Variants in CFAP47 observed in about 807,000 individuals in gnomAD.
CFAP47 encodes the protein cilia and flagella associated protein 47, also known as cilia- and flagella-associated protein 47.
Under a neutral mutation model 148.1 loss-of-function variants are expected in CFAP47, and 29 were observed. The ratio of observed to expected loss-of-function variants is 0.20; its 90% CI spans 0.15 to 0.27. CFAP47 has a LOEUF of 0.27. CFAP47 is among the 10% of genes least tolerant of loss of function. The pLI is 1.00. For synonymous variants in CFAP47, 664 were observed against 577.3 expected (o/e 1.15, Z -2.15); for missense variants, 1,872 against 1,697.5 (o/e 1.10, Z -1.81).
intron 57 of CFAP47, among the ~76,000 whole-genome samples, chrX:36,334,653 C>T (rs1418981626): frequency 2.7e-5 from 3 of 109,948 alleles, no homozygotes; most frequent in Non-Finnish European, 5.7e-5. Flanking sequence ...TTTCTTAACA[C>T]TGTATCAAAG....
chrX:36,023,653 G>A (rs745514009), intron 22 of CFAP47, among the ~76,000 whole-genome samples: 65 of 112,282 alleles, frequency 5.8e-4, no homozygotes, highest in Non-Finnish European at 8.1e-4. Flanking sequence ...CTGCAGCTGA[G>A]CTAGCACACA....
At chrX:36,011,105 A>G (rs777280957) in intron 21 of CFAP47, among the ~76,000 whole-genome samples, 1 of 112,076 alleles carries the variant, frequency 8.9e-6, no homozygotes, top group South Asian at 3.7e-4. Flanking sequence ...CAAAGAATAC[A>G]TTCTTTGCTA....
At chrX:36,048,093 A>G (rs1042806632) in intron 26 of CFAP47, among the ~76,000 whole-genome samples, 4 of 110,996 alleles carry the variant, frequency 3.6e-5, no homozygotes, top group Non-Finnish European at 7.6e-5. Context: ...ACTCTTCTCT[A>G]CTCTCCAATG....
chrX:36,278,419 G>C, intron 49 of CFAP47, among the ~76,000 whole-genome samples: 1 of 112,939 alleles, frequency 8.9e-6, no homozygotes, highest in Non-Finnish European at 1.9e-5. Context: ...ATAATCTCCT[G>C]GTGTGCCATT....
intron 45 of CFAP47, among the ~76,000 whole-genome samples, chrX:36,208,372 C>T (rs1476498569): frequency 9.1e-6 from 1 of 110,230 alleles, no homozygotes; most frequent in African/African-American, 3.3e-5. Context: ...CAGAACCACC[C>T]GTGTATACTC....
chrX:36,341,511 G>A (rs1344489640), intron 57 of CFAP47, among the ~76,000 whole-genome samples: 4 of 110,978 alleles, frequency 3.6e-5, no homozygotes, highest in African/African-American at 1.3e-4. Flanking sequence ...CTAAAATTAG[G>A]GTTATGTTCA....
chrX:36,319,243 T>C lies in CFAP47; in HGVS notation c.8379T>C (p.His2793=). The change falls in exon 57 of 64, where the codon CAT becomes CAC. Residue 2793 remains histidine (H), a synonymous_variant. Transcript: ENST00000378653. ...VEHPRNLVMD[H]CWDSFIYESS... is the part of the protein sequence containing the mutation. ...ATCCCAGGAATCTTGTCATGGATCA[T>C]TGCTGGGATAGCTTCATCTATGAGA... 1.8e-6 allele frequency: 2 copies of C among 1,131,205 alleles called. No homozygotes were observed. Among genetic ancestry groups the C allele is most frequent in the African/African-American group, 3.6e-5 (2 of 54,805 alleles). 93.2% of individuals were successfully genotyped at this position (1,131,205 alleles called of 1,213,427 possible). A position where few individuals can be genotyped will look rare whatever the true frequency, so the allele number is the denominator to read the frequency against.
chrX:36,056,280 G>T (rs1321666597), intron 26 of CFAP47, among the ~76,000 whole-genome samples: 2 of 112,096 alleles, frequency 1.8e-5, no homozygotes, highest in East Asian at 5.6e-4. Flanking sequence ...AGTGATATGT[G>T]ACATATACAA....
chrX:36,086,947 C>T (rs1054854365), intron 30 of CFAP47, among the ~76,000 whole-genome samples: 2 of 111,528 alleles, frequency 1.8e-5, no homozygotes, highest in African/African-American at 3.3e-5. Flanking sequence ...TGGTCCTTGA[C>T]GGGCCTAAGG....
intron 49 of CFAP47, among the ~76,000 whole-genome samples, chrX:36,266,362 G>T: frequency 9.0e-6 from 1 of 111,166 alleles, no homozygotes; most frequent in Admixed American, 9.5e-5. Flanking sequence ...GACACCAGAA[G>T]GAAGTACTTG....
chrX:36,139,921 G>A (rs902032246), intron 35 of CFAP47, among the ~76,000 whole-genome samples: 1 of 108,230 alleles, frequency 9.2e-6, no homozygotes, highest in African/African-American at 3.4e-5. Flanking sequence ...TTTTTTTTTG[G>A]TACAATTGTA....
At chrX:36,317,045 C>T (rs1449634203) in intron 56 of CFAP47, among the ~76,000 whole-genome samples, 1 of 111,923 alleles carries the variant, frequency 8.9e-6, no homozygotes, top group African/African-American at 3.3e-5. Context: ...CCTTGGCCTC[C>T]CAAATTTCTG....
Position 36,343,891 on chromosome X carries a change from C to T in CFAP47, c.8444-4238C>T, listed in dbSNP as rs190891747. On this transcript the variant is annotated intron_variant, in intron 57 of 63. Coordinates refer to ENST00000378653, the MANE Select transcript of CFAP47 (RefSeq NM_001304548.2). ...TGCAGTGTTTGGTTTTTTGTTCTTG[C>T]GATAGTTTACTGAGAATGATGATTT... 6.7e-3 allele frequency among the ~76,000 whole-genome samples: 736 copies of T among 109,521 alleles called. 5 individuals carry two copies. Among genetic ancestry groups the T allele is most frequent in the African/African-American group, 0.018 (533 of 30,013 alleles).
At chrX:36,354,635 G>A (rs1226418512) in intron 60 of CFAP47, among the ~76,000 whole-genome samples, 1 of 110,772 alleles carries the variant, frequency 9.0e-6, no homozygotes, top group Non-Finnish European at 1.9e-5. Context: ...AGAGAGTTCT[G>A]GACCCTCCAA....
intron 26 of CFAP47, among the ~76,000 whole-genome samples, chrX:36,054,540 T>G (rs1169847741): frequency 8.9e-6 from 1 of 111,870 alleles, no homozygotes; most frequent in Admixed American, 9.5e-5. Context: ...AATGGTTTTC[T>G]CTTAATGTCC....
chrX:36,072,351 C>T (rs1474627398), intron 28 of CFAP47, among the ~76,000 whole-genome samples: 2 of 111,998 alleles, frequency 1.8e-5, no homozygotes, highest in Non-Finnish European at 3.8e-5. Context: ...TGTAAATTTA[C>T]TGTGACATCC....
At chrX:36,319,694 A>G (rs186965401) in intron 57 of CFAP47, among the ~76,000 whole-genome samples, 1 of 111,543 alleles carries the variant, frequency 9.0e-6, no homozygotes, top group African/African-American at 3.2e-5. Context: ...AAAAAGTAGT[A>G]TCAGTAGTTT....
In CFAP47 at chrX:36,348,170, T is replaced by C; in HGVS notation, c.8485T>C (p.Leu2829=). 1 of 1,049,887 alleles carries C rather than the reference T, an allele frequency of 9.5e-7. No homozygotes were observed. The highest frequency in any genetic ancestry group is 1.2e-6 in the Non-Finnish European group (1 of 805,777). The allele number at this position is 1,049,887 out of a possible 1,213,427, so 86.5% of individuals were successfully genotyped here. A position where few individuals can be genotyped will look rare whatever the true frequency, so the allele number is the denominator to read the frequency against. The change falls in exon 58 of 64, where the codon TTA becomes CTA. Residue 2829 remains leucine (L), a synonymous_variant. Transcript: ENST00000378653. ...PPKGNIDISL[L]FIPQIMKLHK... ...TAAAGGAAATATAGATATCTCATTG[T>C]TATTTATACCTCAAATTATGAAATT...
chrX:36,254,068 C>T (rs1328603987), intron 49 of CFAP47, among the ~76,000 whole-genome samples: 1 of 111,869 alleles, frequency 8.9e-6, no homozygotes, highest in Non-Finnish European at 1.9e-5. Context: ...GTGGTGGAAA[C>T]AGGTATCCAT....
Sources: gnomAD v4.1 joint callset for allele counts (sites outside exome capture counted in the v4.1 genomes callset) on GRCh38, gnomAD v4.1.1 for gene constraint, MANE v1.5 for transcripts, NCBI Gene and HGNC (gene_info 2026-07-23, HGNC 2026-07-21) for gene names.